The following TREH variants were observed in gnomAD, a reference collection of about 807,000 sequenced individuals.
TREH encodes the protein alpha,alpha-trehalose glucohydrolase.
Under a neutral mutation model 80.5 loss-of-function variants are expected in TREH, and 69 were observed. That is an observed-to-expected ratio of 0.86 (90% CI 0.71 to 1.05). The LOEUF (loss-of-function observed/expected upper bound fraction) is 1.05. TREH is among the 50% of genes least tolerant of loss of function. The pLI is 0.00. For synonymous variants in TREH, 309 were observed against 293.5 expected (o/e 1.05, Z -0.54); for missense variants, 716 against 718.8 (o/e 1.00, Z 0.04).
intron 1 of TREH, among the ~76,000 whole-genome samples, chr11:118,664,979 C>T (rs1470007288): frequency 2.0e-5 from 3 of 151,972 alleles, no homozygotes; most frequent in Non-Finnish European, 2.9e-5. Context: ...TGTGGTGGCA[C>T]GTGCCTGTGA....
intron 1 of TREH, among the ~76,000 whole-genome samples, chr11:118,677,259 G>A (rs1591838767): frequency 1.3e-5 from 2 of 152,230 alleles, no homozygotes; most frequent in Non-Finnish European, 2.9e-5. Flanking sequence ...GAGCTTTTGT[G>A]ATTGGCAATA....
At chr11:118,662,611 GC>G in intron 4 of TREH, 2 of 485,408 alleles carry the variant, frequency 4.1e-6, no homozygotes, top group Non-Finnish European at 7.5e-6. Flanking sequence ...CAGAGGCAGT[GC>G]TGGGCAGCCT....
chr11:118,661,132 T>C lies in TREH; in HGVS notation c.857+28A>G, dbSNP rs370991399. 5.6e-6 allele frequency: 9 copies of C among 1,613,276 alleles called. No individual in the cohort carries two copies. The Admixed American group carries it at 8.3e-5, about 15-fold the overall frequency. On this transcript the variant is annotated intron_variant, in intron 8 of 14. Coordinates refer to ENST00000264029, the MANE Select transcript of TREH (RefSeq NM_007180.3). This position sits in a 1 kb window ranked among gnomAD's most constrained non-coding sequence, Gnocchi z 4.2. Reference sequence around the variant, plus strand: ...CTAACCAGAGTGAGCAGGTAAGAGATTGAGGGGTGGGCTGCCCAGTTCCTC... The same window carrying C: ...CTAACCAGAGTGAGCAGGTAAGAGACTGAGGGGTGGGCTGCCCAGTTCCTC...
At chr11:118,658,495 TG>T in intron 14 of TREH, 54 bp from the exon 15 acceptor site, 1 of 1,581,024 alleles carries the variant, frequency 6.3e-7, no homozygotes, top group Non-Finnish European at 8.6e-7. Flanking sequence ...ATACCCTTGG[TG>T]GGGGCTGTGG....
In TREH at chr11:118,660,902, T is replaced by C; in HGVS notation, c.871A>G (p.Ser291Gly). 1 of 1,572,700 alleles carries C rather than the reference T, an allele frequency of 6.4e-7. No individual in the cohort carries two copies. Among genetic ancestry groups the C allele is most frequent in the Non-Finnish European group, 8.6e-7 (1 of 1,158,358 alleles). Residue 291 changes from serine to glycine, a missense_variant, in exon 9 of 15, where the codon AGC becomes GGC. Transcript: ENST00000264029. ...PYGGPRPESY[S>G]KDVELADTLP... Reference sequence around the variant, plus strand: ...GTGTCAGCCAACTCCACATCTTTGCTGTAGGACTCAGGCCTGGCAAAGAGG... The same window carrying C: ...GTGTCAGCCAACTCCACATCTTTGCCGTAGGACTCAGGCCTGGCAAAGAGG...
rs1320413548 is a variant in TREH at position 118,674,295 on chromosome 11, TA to T, written c.89+5243del. Among the ~76,000 whole-genome samples the T allele has an allele frequency of 6.6e-6, 1 of 152,234 alleles. No individual in the cohort carries two copies. Among genetic ancestry groups the T allele is most frequent in the East Asian group, 1.9e-4 (1 of 5,198 alleles). On this transcript the variant is annotated intron_variant, in intron 1 of 14. Transcript: ENST00000264029. The surrounding 1 kb of genome is among the most constrained non-coding windows in gnomAD (Gnocchi z 4.4). ...AGGAGGTGCTCTAAGACTTTTGCTA[TA>T]AAGTCCAGTCTATGCTCCAGAGAAG...
At chr11:118,660,228 C>T (rs1471829461) in intron 10 of TREH, among the ~76,000 whole-genome samples, 3 of 152,206 alleles carry the variant, frequency 2.0e-5, no homozygotes, top group African/African-American at 7.2e-5. Flanking sequence ...GTGGATTCCC[C>T]TAGCTCTTAG....
At chr11:118,663,245 C>T (rs782132256) in intron 2 of TREH, 49 bp from the exon 3 acceptor site, 2 of 1,571,332 alleles carry the variant, frequency 1.3e-6, no homozygotes, top group Admixed American at 1.9e-5. Flanking sequence ...ACAAGCCACT[C>T]CCTAATCACA....
chr11:118,661,209 C>T lies in TREH; in HGVS notation c.808G>A (p.Gly270Arg), dbSNP rs202074487. 3.5e-5 allele frequency: 57 copies of T among 1,613,980 alleles called. No homozygotes were observed. In the African/African-American group the frequency reaches 6.1e-4, roughly 17 times the overall value. Residue 270 changes from glycine to arginine, a missense_variant, in exon 8 of 15, where the codon GGA (glycine) becomes AGA (arginine). Physicochemically the swap from Gly to Arg is moderately radical, Grantham distance 125. Transcript: ENST00000264029. This position sits in a 1 kb window ranked among gnomAD's most constrained non-coding sequence, Gnocchi z 4.2. ...TAGCGATTCAGGAGGTAGTTCTTTC[C>T]CTCCAAGCTCACAGAGACAGTCCTG... Reference protein sequence around the residue: ...KNRTVSVSLEGKNYLLNRYYV... With the variant: ...KNRTVSVSLERKNYLLNRYYV...
intron 1 of TREH, among the ~76,000 whole-genome samples, chr11:118,677,079 C>A (rs530619075): frequency 2.6e-4 from 39 of 152,206 alleles, no homozygotes; most frequent in Non-Finnish European, 4.7e-4. Context: ...TTTCTGGGGC[C>A]TTGGGCCATG....
At chr11:118,663,226 C>G (rs782226372) in intron 2 of TREH, 30 bp from the exon 3 acceptor site, 7 of 1,574,370 alleles carry the variant, frequency 4.4e-6, no homozygotes, top group East Asian at 4.7e-5. Flanking sequence ...GAGGGGTCAG[C>G]AGGGTGTCAC....
intron 1 of TREH, among the ~76,000 whole-genome samples, chr11:118,676,779 AAG>A (rs1949484246): frequency 1.3e-5 from 2 of 150,610 alleles, no homozygotes; most frequent in Non-Finnish European, 3.0e-5. Flanking sequence ...CAAAAAAAAA[AAG>A]AAAGAAAAAA....
Position 118,679,618 on chromosome 11 carries a change from TC to T in TREH, c.9del (p.Arg4GlyfsTer36). 1 of 1,529,108 alleles carries T rather than the reference TC, an allele frequency of 6.5e-7. No homozygotes were observed. The highest frequency in any genetic ancestry group is 8.8e-7 in the Non-Finnish European group (1 of 1,133,656). The allele number at this position is 1,529,108 out of a possible 1,614,324, so 94.7% of individuals were successfully genotyped here. MPGRTWELCLLLL... is the reference protein window; with the variant it reads MPXRTWELCLLLL... ...AGTAGCAGGCACAGCTCCCAGGTCC[TC>T]CCTGGCATGGTGGCTGTGACTGTGA... On this transcript the variant is annotated frameshift_variant, in exon 1 of 15. Transcript: ENST00000264029. LOFTEE classifies it high-confidence loss of function.
At position 118,658,154 on chromosome 11, in the gene TREH, G is replaced by T. The variant is rs1488790247; in HGVS notation, c.*135C>A. ...CTAGGCCCCTACCCATGACCTCCAG[G>T]TCGTGACCCTGCCCTCCACTTCGCT... On this transcript the variant is annotated 3_prime_UTR_variant, in exon 15 of 15. Transcript: ENST00000264029. The T allele has an allele frequency of 1.0e-5, 13 of 1,278,074 alleles. No individual in the cohort carries two copies. The highest frequency in any genetic ancestry group is 1.5e-5 in the African/African-American group (1 of 66,620). 79.2% of individuals were successfully genotyped at this position (1,278,074 alleles called of 1,614,324 possible).
At chr11:118,662,609 G>C in intron 4 of TREH, 1 of 482,700 alleles carries the variant, frequency 2.1e-6, no homozygotes, top group Non-Finnish European at 3.8e-6. Context: ...GCCAGAGGCA[G>C]TGCTGGGCAG....
At chr11:118,678,137 C>T (rs115324987) in intron 1 of TREH, among the ~76,000 whole-genome samples, 3,301 of 152,234 alleles carry the variant, frequency 0.022, 126 homozygotes, top group African/African-American at 0.074. Flanking sequence ...TCGTCCCAAT[C>T]CCTGAACAGT....
chr11:118,658,998 T>C lies in TREH; in HGVS notation c.1452A>G (p.Leu484=). 6.2e-7 allele frequency: 1 copy of C among 1,613,794 alleles called. No homozygotes were observed. The highest frequency in any genetic ancestry group is 8.5e-7 in the Non-Finnish European group (1 of 1,179,860). Residue 484 remains leucine (L), a synonymous_variant, in exon 13 of 15, where the codon TTA becomes TTG. Coordinates refer to ENST00000264029, the MANE Select transcript of TREH (RefSeq NM_007180.3). The part of the protein sequence containing the change: ...LVIRGLAKAP[L]RRAQEVAFQL... ...GGAAAGCCACTTCCTGGGCCCGACG[T>C]AAAGGTGCCTTGGCCAGGCCTAGAC...
chr11:118,659,584 T>G (rs1591827751), intron 11 of TREH, 103 bp from the exon 12 acceptor site: 1 of 1,358,514 alleles, frequency 7.4e-7, no homozygotes, highest in East Asian at 2.5e-5. Flanking sequence ...TTCCTGGCTC[T>G]TCTTTTCTCG....
chr11:118,664,360 A>C (rs782502066), intron 1 of TREH, among the ~76,000 whole-genome samples: 3 of 152,244 alleles, frequency 2.0e-5, no homozygotes, highest in Non-Finnish European at 4.4e-5. Context: ...GCAGTGATAG[A>C]AGAATCGAAT....
Sources: gnomAD v4.1 joint callset for allele counts (sites outside exome capture counted in the v4.1 genomes callset) on GRCh38, gnomAD v4.1.1 for gene constraint, Gnocchi (gnomAD v3.1) non-coding constraint, MANE v1.5 for transcripts, NCBI Gene and HGNC (gene_info 2026-07-23, HGNC 2026-07-21) for gene names.